Variants in CDC73 observed in about 807,000 individuals in gnomAD.
CDC73 encodes the protein cell division cycle 73, also known as parafibromin.
Under a neutral mutation model 83.7 loss-of-function variants are expected in CDC73, and 21 were observed. The ratio of observed to expected loss-of-function variants is 0.25; its 90% CI spans 0.18 to 0.36. The LOEUF is 0.36. CDC73 is among the 10% of genes least tolerant of loss of function. The probability of loss-of-function intolerance (pLI) is 1.00; values close to 1 mark genes in which losing one functional copy is unlikely to be tolerated. For missense variants in CDC73, 342 were observed against 653.3 expected (o/e 0.52, Z 5.19); for synonymous variants, 224 against 212.9 (o/e 1.05, Z -0.45).
At chr1:193,164,020 G>A (rs1162667255) in intron 10 of CDC73, among the ~76,000 whole-genome samples, 2 of 152,042 alleles carry the variant, frequency 1.3e-5, no homozygotes, top group Non-Finnish European at 2.9e-5. Context: ...TCAAGTGATC[G>A]GTGGCCTCCC....
intron 15 of CDC73, among the ~76,000 whole-genome samples, chr1:193,240,486 G>C (rs185764641): frequency 6.6e-6 from 1 of 152,288 alleles, no homozygotes. Context: ...AACAGTGTAG[G>C]AGTTCCCTTT....
At chr1:193,197,516 A>G (rs991309365) in intron 10 of CDC73, among the ~76,000 whole-genome samples, 1 of 152,188 alleles carries the variant, frequency 6.6e-6, no homozygotes, top group Non-Finnish European at 1.5e-5. Context: ...CATTTCATGT[A>G]TTTATTATCG....
intron 10 of CDC73, among the ~76,000 whole-genome samples, chr1:193,167,648 A>T (rs954193189): frequency 1.3e-5 from 2 of 152,100 alleles, no homozygotes; most frequent in African/African-American, 4.8e-5. Flanking sequence ...TTTGCTTCAC[A>T]GCCTAATTTT....
intron 11 of CDC73, among the ~76,000 whole-genome samples, chr1:193,207,199 G>T (rs957485324): frequency 1.3e-5 from 2 of 152,078 alleles, no homozygotes; most frequent in South Asian, 2.1e-4. Context: ...AAAGGGAGGG[G>T]TTTTTATTAG....
chr1:193,176,990 C>G (rs966756220), intron 10 of CDC73, among the ~76,000 whole-genome samples: 2 of 152,028 alleles, frequency 1.3e-5, no homozygotes, highest in African/African-American at 4.8e-5. Context: ...TAAACAACAA[C>G]TGGAAAGAAG....
Position 193,250,790 on chromosome 1 carries a change from C to A in CDC73, c.*78C>A, listed in dbSNP as rs2102074668. 1.6e-6 allele frequency: 2 copies of A among 1,244,892 alleles called. No individual in the cohort carries two copies. Among genetic ancestry groups the A allele is most frequent in the South Asian group, 1.2e-5 (1 of 82,352 alleles). The allele number at this position is 1,244,892 out of a possible 1,614,324, so 77.1% of individuals were successfully genotyped here. ...TCAAGAACTTAAAAATGAAGAAGGT[C>A]ACAGATTGATCTTTTATAAGACCTT... On this transcript the variant is annotated 3_prime_UTR_variant, in exon 17 of 17. Transcript: ENST00000367435.
chr1:193,145,509 T>G (rs1463393694), intron 7 of CDC73, among the ~76,000 whole-genome samples: 1 of 152,238 alleles, frequency 6.6e-6, no homozygotes, highest in African/African-American at 2.4e-5. Context: ...AACCTGCCAC[T>G]CTTTCTTGTC....
intron 13 of CDC73, among the ~76,000 whole-genome samples, chr1:193,230,523 T>C (rs906989719): frequency 7.4e-6 from 1 of 134,490 alleles, no homozygotes; most frequent in African/African-American, 2.9e-5. Flanking sequence ...AACCTAAAAA[T>C]GGAAGATAGC....
chr1:193,208,998 C>A (rs1677234757), intron 11 of CDC73, among the ~76,000 whole-genome samples: 1 of 152,060 alleles, frequency 6.6e-6, no homozygotes, highest in Admixed American at 6.6e-5. Context: ...TCATTTTGTT[C>A]CCTTAGTATG....
chr1:193,204,974 T>C (rs769892194), intron 11 of CDC73, among the ~76,000 whole-genome samples: 5 of 152,106 alleles, frequency 3.3e-5, no homozygotes, highest in Non-Finnish European at 7.4e-5. Flanking sequence ...TAAAATTCTG[T>C]ATCATTTTTT....
intron 10 of CDC73, among the ~76,000 whole-genome samples, chr1:193,183,479 A>G (rs1676753948): frequency 6.7e-6 from 1 of 150,210 alleles, no homozygotes; most frequent in African/African-American, 2.5e-5. Flanking sequence ...GTGTAATGAA[A>G]ACCAAGGCTA....
Position 193,233,160 on chromosome 1 carries a change from A to G in CDC73, c.1316+6A>G. On this transcript the variant is annotated splice_donor_region_variant and intron_variant, in intron 14 of 16. Transcript: ENST00000367435. ...AAACTTATGCCTCAAGACTGGTAAG[A>G]TAGTCTCTATATATATATCTTTTCA... 6.2e-7 allele frequency: 1 copy of G among 1,602,470 alleles called. No individual in the cohort carries two copies. Among genetic ancestry groups the G allele is most frequent in the Middle Eastern group, 1.8e-4 (1 of 5,542 alleles).
At chr1:193,193,780 AGTGTGTGTGTGTGTGTGTGTGTGTGT>A (rs71111459) in intron 10 of CDC73, among the ~76,000 whole-genome samples, 8 of 135,838 alleles carry the variant, frequency 5.9e-5, no homozygotes, top group Non-Finnish European at 9.4e-5. Flanking sequence ...TCTTACTTGT[AGTGTGTGTGTGTGTGTGTGTGTGTGT>A]GTGTGTGTGT....
chr1:193,194,587 A>G (rs1349661106), intron 10 of CDC73, among the ~76,000 whole-genome samples: 2 of 152,160 alleles, frequency 1.3e-5, no homozygotes, highest in African/African-American at 4.8e-5. Flanking sequence ...GAGACTTATG[A>G]CAGAATCATT....
intron 10 of CDC73, among the ~76,000 whole-genome samples, chr1:193,177,358 CAAAAAAA>C (rs10672869): frequency 2.9e-4 from 20 of 69,532 alleles, no homozygotes; most frequent in East Asian, 9.9e-4. Context: ...ACTAAAAATA[CAAAAAAA>C]AAAAAAAAAA....
rs1483980935 is a variant in CDC73 at position 193,253,068 on chromosome 1, A to G, written c.*2356A>G. ...AACTGGAGATACCCTTGTATGCCCA[A>G]CCTGTAAAGGAAAAAGTTCTATTTC... On this transcript the variant is annotated 3_prime_UTR_variant, in exon 17 of 17. Coordinates refer to ENST00000367435, the MANE Select transcript of CDC73 (RefSeq NM_024529.5). The G allele has an allele frequency of 4.3e-6, 1 of 232,184 alleles. No homozygotes were observed. Among genetic ancestry groups the G allele is most frequent in the African/African-American group, 2.2e-5 (1 of 45,326 alleles). 14.4% of individuals were successfully genotyped at this position (232,184 alleles called of 1,614,324 possible).
intron 7 of CDC73, among the ~76,000 whole-genome samples, chr1:193,147,323 A>G (rs1335828118): frequency 6.6e-6 from 1 of 151,024 alleles, no homozygotes; most frequent in Non-Finnish European, 1.5e-5. Context: ...TTCTGGTTAT[A>G]TATTTGAACA....
intron 10 of CDC73, chr1:193,181,543 C>T: frequency 6.3e-7 from 1 of 1,597,312 alleles, no homozygotes; most frequent in Non-Finnish European, 8.5e-7. Flanking sequence ...GCAGCAGTGT[C>T]TTCTCCTCCA....
At chr1:193,124,372 G>A (rs1057252936) in intron 1 of CDC73, among the ~76,000 whole-genome samples, 3 of 152,216 alleles carry the variant, frequency 2.0e-5, no homozygotes, top group Admixed American at 1.3e-4. Context: ...AATTGATGGT[G>A]TGTGGTTTGA....
Sources: gnomAD v4.1 joint callset for allele counts (sites outside exome capture counted in the v4.1 genomes callset) on GRCh38, gnomAD v4.1.1 for gene constraint, MANE v1.5 for transcripts, NCBI Gene and HGNC (gene_info 2026-07-23, HGNC 2026-07-21) for gene names.